Variants in CENPO observed in about 807,000 individuals in gnomAD.
The protein encoded by CENPO is centromeric protein O.
In CENPO, 30 loss-of-function variants were observed where a neutral mutation model predicts 36.1. The ratio of observed to expected loss-of-function variants is 0.83; its 90% CI spans 0.62 to 1.13. The LOEUF is 1.13. Ranked by LOEUF, CENPO falls within the 50% of genes most tolerant of loss-of-function variation. The pLI, the probability that CENPO is intolerant of heterozygous loss-of-function variation, is 0.00. For missense variants in CENPO, 349 were observed against 357.8 expected (o/e 0.98, Z 0.20); for synonymous variants, 171 against 142.3 (o/e 1.20, Z -1.44).
Position 24,814,459 on chromosome 2 carries a change from T to C in CENPO, c.300T>C (p.Asn100=), listed in dbSNP as rs757845958. 1 of 1,595,542 alleles carries C rather than the reference T, an allele frequency of 6.3e-7. No individual in the cohort carries two copies. Among genetic ancestry groups the C allele is most frequent in the Admixed American group, 1.7e-5 (1 of 59,990 alleles). The change falls in exon 4 of 8, where the codon AAT becomes AAC. Residue 100 remains asparagine, a synonymous_variant. Transcript: ENST00000380834. ...EQEALEEKLE[N]VKAILQAYHF... Reference sequence around the variant, plus strand: ...AAGCATTGGAAGAGAAATTGGAAAATGTGAAAGCCATTCTGCAGGCATATC... The same window carrying C: ...AAGCATTGGAAGAGAAATTGGAAAACGTGAAAGCCATTCTGCAGGCATATC...
At chr2:24,808,491 C>CGT (rs1374435753) in intron 3 of CENPO, among the ~76,000 whole-genome samples, 1 of 152,168 alleles carries the variant, frequency 6.6e-6, no homozygotes, top group Non-Finnish European at 1.5e-5. Flanking sequence ...CGTGAGCCGC[C>CGT]GTGCCTGGCC....
rs146553503 is a variant in CENPO at position 24,820,741 on chromosome 2, C to G, written c.*1423C>G. The G allele has an allele frequency of 1.2e-6, 2 of 1,613,972 alleles. No individual in the cohort carries two copies. The highest frequency in any genetic ancestry group is 1.7e-5 in the Admixed American group (1 of 59,998). On this transcript the variant is annotated 3_prime_UTR_variant, in exon 8 of 8. Coordinates refer to ENST00000380834, the MANE Select transcript of CENPO (RefSeq NM_001322101.2). ...GGACATACCTGAATGTTGCCCATGA[C>G]CCCCGTGGACTCCATCCTGCTGGCT...
intron 3 of CENPO, among the ~76,000 whole-genome samples, chr2:24,808,407 G>C (rs907459584): frequency 1.3e-5 from 2 of 152,088 alleles, no homozygotes; most frequent in South Asian, 4.2e-4. Context: ...CTCTATTGTT[G>C]GCCAGGCTAG....
At chr2:24,800,567 A>G (rs1186385051) in intron 3 of CENPO, among the ~76,000 whole-genome samples, 1 of 147,656 alleles carries the variant, frequency 6.8e-6, no homozygotes, top group Non-Finnish European at 1.5e-5. Context: ...ATGAGTGAGA[A>G]CATGCGGTGT....
At chr2:24,817,947 A>AG in intron 7 of CENPO, 106 bp downstream of exon 7, 1 of 906,020 alleles carries the variant, frequency 1.1e-6, no homozygotes, top group South Asian at 1.8e-5. Context: ...TCTGGATGGA[A>AG]GAGCAGGTTT....
rs1196567891 is a variant in CENPO at position 24,821,419 on chromosome 2, C to A, written c.*2101C>A. 61 of 1,520,142 alleles carry A rather than the reference C, an allele frequency of 4.0e-5. No homozygotes were observed. The highest frequency in any genetic ancestry group is 5.0e-5 in the Non-Finnish European group (56 of 1,123,284). 94.2% of individuals were successfully genotyped at this position (1,520,142 alleles called of 1,614,324 possible). Reference sequence around the variant, plus strand: ...TGCGTGAACCTCCCCACCCGAATTGCCTCAGTTGTCCTGAGCCTCATGTCT... The same window carrying A: ...TGCGTGAACCTCCCCACCCGAATTGACTCAGTTGTCCTGAGCCTCATGTCT... On this transcript the variant is annotated 3_prime_UTR_variant, in exon 8 of 8. Coordinates refer to ENST00000380834, the MANE Select transcript of CENPO (RefSeq NM_001322101.2).
rs200810018 is a variant in CENPO, at chr2:24,816,853, C to T, written c.766+36C>T. ...TGCCTCAGTGCAGAAATTCTCATAT[C>T]CCAGTTTATTTGAGTGAAACAGGGA... On this transcript the variant is annotated intron_variant, in intron 6 of 7. Transcript: ENST00000380834. 2.5e-5 allele frequency: 38 copies of T among 1,539,460 alleles called. No individual in the cohort carries two copies. In the East Asian group the frequency reaches 3.7e-4, roughly 15 times the overall value.
rs1474398217 is a variant in CENPO, at chr2:24,821,059, T to A, written c.*1741T>A. 3.3e-6 allele frequency: 2 copies of A among 604,466 alleles called. No individual in the cohort carries two copies. Among genetic ancestry groups the A allele is most frequent in the Non-Finnish European group, 5.5e-6 (2 of 364,334 alleles). 37.4% of individuals were successfully genotyped at this position (604,466 alleles called of 1,614,324 possible). On this transcript the variant is annotated 3_prime_UTR_variant, in exon 8 of 8. Coordinates refer to ENST00000380834, the MANE Select transcript of CENPO (RefSeq NM_001322101.2). The stretch of plus-strand genomic sequence containing the variant: ...GGTGTCAGCCGCCACCCCCCCCCCA[T>A]ATGCAGATTTACTCGGCATGGTAGT...
rs1278192515 is a variant in CENPO, at chr2:24,819,528, C to G, written c.*210C>G. The G allele has an allele frequency of 6.3e-6, 1 of 159,604 alleles. No individual in the cohort carries two copies. The highest frequency in any genetic ancestry group is 1.8e-4 in the East Asian group (1 of 5,474). The allele number at this position is 159,604 out of a possible 1,614,324, so 9.9% of individuals were successfully genotyped here. A position where few individuals can be genotyped will look rare whatever the true frequency, so the allele number is the denominator to read the frequency against. On this transcript the variant is annotated 3_prime_UTR_variant, in exon 8 of 8. Coordinates refer to ENST00000380834, the MANE Select transcript of CENPO (RefSeq NM_001322101.2). ...CCTCCCTTCAAAATGGGAGCCATGT[C>G]CTGCCCCACCAAGCCCTGTCTGAAG...
chr2:24,799,854 A>G lies in CENPO; in HGVS notation c.216+10A>G. On this transcript the variant is annotated intron_variant, in intron 3 of 7. Transcript: ENST00000380834. ...GCACCGGCGAGCCAGCGTGAGTAGAAGGGTGGTATCAGCAGTTCCTTTAGA... is the reference window on the plus strand; with the variant it reads ...GCACCGGCGAGCCAGCGTGAGTAGAGGGGTGGTATCAGCAGTTCCTTTAGA... The G allele has an allele frequency of 6.2e-7, 1 of 1,612,484 alleles. No individual in the cohort carries two copies. Among genetic ancestry groups the G allele is most frequent in the Non-Finnish European group, 8.5e-7 (1 of 1,179,804 alleles).
intron 7 of CENPO, among the ~76,000 whole-genome samples, chr2:24,818,995 A>AAAGT (rs1207251087): frequency 1.3e-5 from 2 of 152,196 alleles, no homozygotes; most frequent in South Asian, 2.1e-4. Context: ...CCTTTAGAAG[A>AAAGT]AAGTTTAAGA....
At chr2:24,810,315 C>T (rs1371681712) in intron 3 of CENPO, among the ~76,000 whole-genome samples, 1 of 151,794 alleles carries the variant, frequency 6.6e-6, no homozygotes, top group Non-Finnish European at 1.5e-5. Context: ...TGTGGTGGCT[C>T]ACGCCTGTAA....
intron 7 of CENPO, chr2:24,819,076 G>C (rs551849966): frequency 1.3e-5 from 2 of 152,758 alleles, no homozygotes; most frequent in Non-Finnish European, 1.5e-5. Flanking sequence ...TCAAGCTCTT[G>C]CCTTCCAGGC....
Position 24,808,857 on chromosome 2 carries a change from C to T in CENPO, c.217-5519C>T, listed in dbSNP as rs532957413. 2.7e-5 allele frequency among the ~76,000 whole-genome samples: 4 copies of T among 150,170 alleles called. No homozygotes were observed. The South Asian group carries it at 8.4e-4, about 31-fold the overall frequency. ...GGTTTTGGCATCAAGTTTTATGTTG[C>T]TCTCAGAAAGCAGGTTGAGACATTT... On this transcript the variant is annotated intron_variant, in intron 3 of 7. Coordinates refer to ENST00000380834, the MANE Select transcript of CENPO (RefSeq NM_001322101.2).
chr2:24,810,060 A>AC (rs1666607185), intron 3 of CENPO, among the ~76,000 whole-genome samples: 1 of 151,872 alleles, frequency 6.6e-6, no homozygotes, highest in Admixed American at 6.6e-5. Context: ...AAAAAAAAAA[A>AC]AACTTACATT....
rs760409563 is a variant in CENPO at position 24,816,679 on chromosome 2, C to T, written c.628C>T (p.Gln210Ter). ...DFAALLTGPL[Q>*]RNPLCNLLSF... is the part of the protein sequence containing the mutation. ...TGCAGCCCTCCTGACTGGGCCCTTG[C>T]AGAGAAACCCACTGTGTAACTTGCT... Residue 210 changes from glutamine to a stop codon, truncating the protein, a stop_gained, in exon 6 of 8, where the codon CAG (glutamine) becomes TAG (stop). Transcript: ENST00000380834. LOFTEE classifies it high-confidence loss of function. 1.9e-5 allele frequency: 31 copies of T among 1,611,710 alleles called. No individual in the cohort carries two copies. Among genetic ancestry groups the T allele is most frequent in the Non-Finnish European group, 2.5e-5 (30 of 1,179,044 alleles).
intron 3 of CENPO, among the ~76,000 whole-genome samples, chr2:24,808,518 A>G (rs2148274981): frequency 6.6e-6 from 1 of 152,262 alleles, no homozygotes; most frequent in East Asian, 1.9e-4. Context: ...TAAAAGAGCC[A>G]CCTGGCTCTT....
At chr2:24,801,545 T>C (rs1168939065) in intron 3 of CENPO, among the ~76,000 whole-genome samples, 1 of 152,224 alleles carries the variant, frequency 6.6e-6, no homozygotes, top group Non-Finnish European at 1.5e-5. Context: ...TTTCTACATA[T>C]GGCTAGCCAG....
chr2:24,822,154 T>C lies in CENPO; in HGVS notation c.*2836T>C. 4.8e-6 allele frequency: 1 copy of C among 208,942 alleles called. No individual in the cohort carries two copies. Among genetic ancestry groups the C allele is most frequent in the Non-Finnish European group, 9.7e-6 (1 of 103,392 alleles). The allele number at this position is 208,942 out of a possible 1,614,324, so 12.9% of individuals were successfully genotyped here. On this transcript the variant is annotated 3_prime_UTR_variant, in exon 8 of 8. Coordinates refer to ENST00000380834, the MANE Select transcript of CENPO (RefSeq NM_001322101.2). Reference sequence around the variant, plus strand: ...AGCTGAACAAAGGTCTAAATTAGCTTAACAAAAGAACAGGCTGCCGTCAGC... The same window carrying C: ...AGCTGAACAAAGGTCTAAATTAGCTCAACAAAAGAACAGGCTGCCGTCAGC...
Sources: gnomAD v4.1 joint callset for allele counts (sites outside exome capture counted in the v4.1 genomes callset) on GRCh38, gnomAD v4.1.1 for gene constraint, MANE v1.5 for transcripts, NCBI Gene and HGNC (gene_info 2026-07-23, HGNC 2026-07-21) for gene names.